The following GPM6A variants were observed in gnomAD, a reference collection of about 807,000 sequenced individuals.
The protein encoded by GPM6A is glycoprotein M6A, also known as neuronal membrane glycoprotein M6-a.
In GPM6A, 7 loss-of-function variants were observed where a neutral mutation model predicts 32.1. The ratio of observed to expected loss-of-function variants is 0.22; its 90% CI spans 0.12 to 0.41. The LOEUF is 0.41. Ranked by LOEUF, GPM6A falls within the 10% of genes least tolerant of loss-of-function variation. GPM6A has a pLI of 1.00. For missense variants in GPM6A, 235 were observed against 347.2 expected, an observed-to-expected ratio of 0.68 and a Z score of 2.57; for synonymous variants, 130 against 123.4, an observed-to-expected ratio of 1.05 and a Z score of -0.35.
At chr4:175,905,850 C>T (rs56304224) in intron 1 of GPM6A, among the ~76,000 whole-genome samples, 5 of 151,980 alleles carry the variant, frequency 3.3e-5, no homozygotes, top group African/African-American at 1.2e-4. Flanking sequence ...TTTGTCCTTT[C>T]GTCATTAAGA....
intron 1 of GPM6A, among the ~76,000 whole-genome samples, chr4:175,983,582 C>T (rs1027283980): frequency 1.3e-5 from 2 of 152,140 alleles, no homozygotes; most frequent in East Asian, 1.9e-4. Context: ...GTGAATTACA[C>T]TAATTAAATT....
chr4:175,695,196 C>G (rs866936580), intron 2 of GPM6A, among the ~76,000 whole-genome samples: 1 of 152,196 alleles, frequency 6.6e-6, no homozygotes, highest in African/African-American at 2.4e-5. Context: ...TACTAGAGCA[C>G]TATGGAGGGG....
At chr4:175,896,374 A>G (rs1032863762) in intron 1 of GPM6A, among the ~76,000 whole-genome samples, 1 of 152,094 alleles carries the variant, frequency 6.6e-6, no homozygotes, top group Admixed American at 6.5e-5. Flanking sequence ...AATGCACCAG[A>G]AAATTATCCT....
chr4:175,646,129 A>C (rs1741450098), intron 4 of GPM6A, among the ~76,000 whole-genome samples: 1 of 152,184 alleles, frequency 6.6e-6, no homozygotes, highest in East Asian at 1.9e-4. Context: ...TCTTAAAATC[A>C]GTTGATTAGC....
At chr4:175,838,110 C>G (rs1266574733) in intron 1 of GPM6A, among the ~76,000 whole-genome samples, 8 of 63,478 alleles carry the variant, frequency 1.3e-4, no homozygotes, top group South Asian at 1.4e-3. Context: ...CACACACACA[C>G]AGACACACAC....
chr4:175,904,097 T>A (rs1738050862), intron 1 of GPM6A, among the ~76,000 whole-genome samples: 1 of 152,108 alleles, frequency 6.6e-6, no homozygotes, highest in Admixed American at 6.6e-5. Flanking sequence ...TTTTCAATGT[T>A]TCCAATGACA....
At chr4:175,789,939 A>G (rs1733947326) in intron 1 of GPM6A, among the ~76,000 whole-genome samples, 1 of 152,180 alleles carries the variant, frequency 6.6e-6, no homozygotes, top group South Asian at 2.1e-4. Flanking sequence ...GATAGCAAAT[A>G]TATTTGTTCT....
At chr4:175,638,612 A>T (rs1740953195) in intron 6 of GPM6A, among the ~76,000 whole-genome samples, 1 of 152,158 alleles carries the variant, frequency 6.6e-6, no homozygotes, top group Non-Finnish European at 1.5e-5. Flanking sequence ...TTGTCTAAAT[A>T]GGTGTTTTTC....
chr4:175,928,102 A>G (rs1738907344), intron 1 of GPM6A, among the ~76,000 whole-genome samples: 1 of 152,184 alleles, frequency 6.6e-6, no homozygotes, highest in African/African-American at 2.4e-5. Context: ...TTAATAAAAC[A>G]GAAGAGATTT....
chr4:175,654,430 A>G (rs948966351), intron 3 of GPM6A: 2 of 152,208 alleles, frequency 1.3e-5, no homozygotes, highest in Non-Finnish European at 2.9e-5. Context: ...AGCATTTAGC[A>G]TTGAAACTTG....
chr4:175,909,568 T>G (rs1738248673), intron 1 of GPM6A, among the ~76,000 whole-genome samples: 1 of 152,118 alleles, frequency 6.6e-6, no homozygotes, highest in Admixed American at 6.6e-5. Flanking sequence ...GCATACAATA[T>G]AGGTGAAGGG....
upstream of GPM6A, chr4:175,812,337 T>TTTTTTTA: frequency 7.4e-7 from 1 of 1,346,910 alleles, no homozygotes; most frequent in Non-Finnish European, 9.6e-7. Context: ...TTTTTTTTTT[T>TTTTTTTA]TTTCCTGGGA....
At chr4:175,875,767 T>C (rs1308691200) in intron 1 of GPM6A, among the ~76,000 whole-genome samples, 1 of 152,130 alleles carries the variant, frequency 6.6e-6, no homozygotes, top group African/African-American at 2.4e-5. Context: ...CAGAAGATCA[T>C]TCTAAATCCT....
chr4:175,902,825 C>T (rs377425713), intron 1 of GPM6A, among the ~76,000 whole-genome samples: 2 of 152,010 alleles, frequency 1.3e-5, no homozygotes, highest in East Asian at 1.9e-4. Context: ...GGTGTGTCTG[C>T]GCCCTAGTTT....
chr4:175,937,913 A>C (rs1388387535), intron 1 of GPM6A, among the ~76,000 whole-genome samples: 1 of 152,140 alleles, frequency 6.6e-6, no homozygotes, highest in Non-Finnish European at 1.5e-5. Flanking sequence ...TCAAAAGCTG[A>C]AATAAAATAA....
At chr4:175,677,313 G>A (rs77311301) in intron 2 of GPM6A, among the ~76,000 whole-genome samples, 2,744 of 152,142 alleles carry the variant, frequency 0.018, 89 homozygotes, top group African/African-American at 0.062. Context: ...TACCATTTTG[G>A]GGAAGTGAGG....
chr4:175,758,900 A>G (rs1732633126), intron 1 of GPM6A, among the ~76,000 whole-genome samples: 1 of 152,196 alleles, frequency 6.6e-6, no homozygotes, highest in Admixed American at 6.5e-5. Flanking sequence ...ATGCTAATTT[A>G]TGCAAGGCAG....
At chr4:175,714,634 T>A (rs990451271) in intron 1 of GPM6A, among the ~76,000 whole-genome samples, 1 of 152,148 alleles carries the variant, frequency 6.6e-6, no homozygotes, top group Non-Finnish European at 1.5e-5. Context: ...ATTTCTCAAG[T>A]GGTTATTGAC....
intron 1 of GPM6A, 114 bp downstream of exon 1, chr4:175,812,077 C>G: frequency 1.3e-6 from 1 of 772,804 alleles, no homozygotes; most frequent in Non-Finnish European, 2.1e-6. Context: ...GAGGAAGGAA[C>G]AAAATGCCTT....
Sources: allele counts gnomAD v4.1 joint callset (sites outside exome capture counted in the v4.1 genomes callset), GRCh38; gene constraint gnomAD v4.1.1; transcripts MANE v1.5; gene names NCBI Gene and HGNC (gene_info 2026-07-23, HGNC 2026-07-21).